Variants in TOR1AIP1 observed in about 807,000 individuals in gnomAD.
The protein encoded by TOR1AIP1 is torsin 1A interacting protein 1, also known as torsin-1A-interacting protein 1.
A neutral mutation model predicts 63.3 loss-of-function variants in TOR1AIP1; 54 were observed. The observed-to-expected ratio is 0.85, with a 90% CI of 0.69 to 1.07. The LOEUF is 1.07. TOR1AIP1 is among the 50% of genes least tolerant of loss of function. TOR1AIP1 has a pLI of 0.00. For missense variants in TOR1AIP1, 736 were observed against 715.0 expected, an observed-to-expected ratio of 1.03 and a Z score of -0.33; for synonymous variants, 294 against 273.5, an observed-to-expected ratio of 1.07 and a Z score of -0.74.
intron 7 of TOR1AIP1, 34 bp from the exon 8 acceptor site, chr1:179,908,571 G>A (rs1466140384): frequency 5.8e-6 from 9 of 1,564,918 alleles, no homozygotes; most frequent in South Asian, 1.1e-5. Flanking sequence ...TCAAAGTATG[G>A]GAAATTATCT....
intron 4 of TOR1AIP1, 72 bp downstream of exon 4, chr1:179,900,239 GAT>G: frequency 1.8e-6 from 2 of 1,102,086 alleles, no homozygotes; most frequent in Middle Eastern, 3.1e-4. Flanking sequence ...CATTCTGATA[GAT>G]ATTTAAGAAG....
intron 2 of TOR1AIP1, among the ~76,000 whole-genome samples, chr1:179,886,554 A>G (rs1647914989): frequency 6.6e-6 from 1 of 152,146 alleles, no homozygotes; most frequent in South Asian, 2.1e-4. Flanking sequence ...AAAACATGCA[A>G]GTGAGGTTTT....
chr1:179,899,550 A>G (rs1022078966), intron 3 of TOR1AIP1, among the ~76,000 whole-genome samples: 1 of 152,188 alleles, frequency 6.6e-6, no homozygotes, highest in African/African-American at 2.4e-5. Flanking sequence ...ACACACTAGA[A>G]TATTTGTCAA....
At chr1:179,885,608 C>T (rs1463821716) in intron 2 of TOR1AIP1, among the ~76,000 whole-genome samples, 3 of 152,046 alleles carry the variant, frequency 2.0e-5, no homozygotes, top group Non-Finnish European at 4.4e-5. Context: ...GTTTTTAGTA[C>T]CCAGATCCTG....
chr1:179,901,428 CT>C, intron 5 of TOR1AIP1, 40 bp downstream of exon 5: 1 of 1,279,114 alleles, frequency 7.8e-7, no homozygotes, highest in Admixed American at 2.3e-5. Context: ...TCTCATAGAA[CT>C]ATCTTTGGTA....
In TOR1AIP1 at chr1:179,882,978, G is replaced by T; in HGVS notation, c.475+1G>T. 6.2e-7 allele frequency: 1 copy of T among 1,608,192 alleles called. No individual in the cohort carries two copies. Among genetic ancestry groups the T allele is most frequent in the East Asian group, 2.2e-5 (1 of 44,558 alleles). On this transcript the variant is annotated splice_donor_variant, in intron 1 of 9. Coordinates refer to ENST00000606911, the MANE Select transcript of TOR1AIP1 (RefSeq NM_015602.4). LOFTEE classifies it high-confidence loss of function. ...CTGCGGGACTCTCATTCCTCTGAAG[G>T]TGAGGACCGCGGAGGTAACAGTCCC...
chr1:179,902,019 CT>C (rs767712125), intron 5 of TOR1AIP1, among the ~76,000 whole-genome samples: 347 of 98,788 alleles, frequency 3.5e-3, no homozygotes, highest in African/African-American at 8.8e-3. Flanking sequence ...AATTCCAATT[CT>C]TTTTTTTTTT....
intron 4 of TOR1AIP1, chr1:179,900,428 A>C: frequency 7.7e-6 from 2 of 261,036 alleles, no homozygotes; most frequent in South Asian, 5.8e-5. Context: ...GGGGACCACC[A>C]TGTTGCCTAA....
In TOR1AIP1 at chr1:179,917,562, G is replaced by A; in HGVS notation, c.1075G>A (p.Glu359Lys). 1 of 1,614,134 alleles carries A rather than the reference G, an allele frequency of 6.2e-7. No individual in the cohort carries two copies. Among genetic ancestry groups the A allele is most frequent in the Non-Finnish European group, 8.5e-7 (1 of 1,180,038 alleles). ...SGSFWFFSTP[E>K]VETTAVQEFQ... The stretch of plus-strand genomic sequence containing the variant: ...GAGTTTTTGGTTCTTTAGTACTCCT[G>A]AGGTAGAAACCACTGCTGTTCAAGA... The change falls in exon 10 of 10, where the codon GAG (glutamate) becomes AAG (lysine). Residue 359 changes from glutamate to lysine, a missense_variant. By Grantham distance (56) the Glu-to-Lys change is moderately conservative. Coordinates refer to ENST00000606911, the MANE Select transcript of TOR1AIP1 (RefSeq NM_015602.4).
At chr1:179,896,287 AT>A (rs1558041492) in intron 3 of TOR1AIP1, among the ~76,000 whole-genome samples, 1 of 151,466 alleles carries the variant, frequency 6.6e-6, no homozygotes, top group South Asian at 2.1e-4. Flanking sequence ...TTTTATTTTT[AT>A]TTTTTTTGAG....
rs112254087 is a variant in TOR1AIP1, at chr1:179,905,243, C to T, written c.796+1221C>T. Among the ~76,000 whole-genome samples the T allele has an allele frequency of 4.1e-3, 627 of 151,990 alleles. 5 individuals are homozygous for T. The highest frequency in any genetic ancestry group is 0.014 in the African/African-American group (591 of 41,438). On this transcript the variant is annotated intron_variant, in intron 6 of 9. Transcript: ENST00000606911. ...TATAAAAATTAGCTGGGCGTGGTGG[C>T]GCGTGCCTGTAGTCCCAGCTACTCG... is the stretch of plus-strand genomic sequence containing the variant.
chr1:179,913,665 G>C (rs1648905610), intron 8 of TOR1AIP1: 2 of 702,092 alleles, frequency 2.8e-6, no homozygotes, highest in South Asian at 3.0e-5. Context: ...GGTGTGCTTA[G>C]TTTCTTTGTC....
chr1:179,904,141 A>T, intron 6 of TOR1AIP1, 119 bp downstream of exon 6: 1 of 666,788 alleles, frequency 1.5e-6, no homozygotes. Flanking sequence ...AATGAATGCT[A>T]AAAAAAAACT....
At chr1:179,885,823 C>T (rs1380631478) in intron 2 of TOR1AIP1, among the ~76,000 whole-genome samples, 2 of 152,144 alleles carry the variant, frequency 1.3e-5, no homozygotes, top group African/African-American at 2.4e-5. Context: ...TCACTGCAAC[C>T]TCCACCTCCC....
At chr1:179,903,817 T>C in intron 5 of TOR1AIP1, 149 bp from the exon 6 acceptor site, 1 of 527,046 alleles carries the variant, frequency 1.9e-6, no homozygotes, top group Admixed American at 3.8e-5. Context: ...CCTAGAAATT[T>C]TTTAAATAAA....
intron 7 of TOR1AIP1, 49 bp downstream of exon 7, chr1:179,907,913 C>CTTTTTT (rs34218138): frequency 1.7e-3 from 598 of 356,542 alleles, no homozygotes; most frequent in South Asian, 6.2e-3. Flanking sequence ...ATTCTTTTCT[C>CTTTTTT]TTTTTTTTTT....
At position 179,904,109 on chromosome 1, in the gene TOR1AIP1, G is replaced by T. The variant is rs907057615; in HGVS notation, c.796+87G>T. 1.0e-5 allele frequency: 10 copies of T among 997,326 alleles called. No individual in the cohort carries two copies. In the African/African-American group the frequency reaches 1.5e-4, roughly 15 times the overall value. 61.8% of individuals were successfully genotyped at this position (997,326 alleles called of 1,614,324 possible). On this transcript the variant is annotated intron_variant, in intron 6 of 9. Coordinates refer to ENST00000606911, the MANE Select transcript of TOR1AIP1 (RefSeq NM_015602.4). ...TGAAGATCCTCTTTTGAAATTTAAC[G>T]TAAATATTGAACAAGAGGAATAATG...
At chr1:179,895,867 C>T (rs1055617343) in intron 3 of TOR1AIP1, among the ~76,000 whole-genome samples, 4 of 148,236 alleles carry the variant, frequency 2.7e-5, no homozygotes, top group Admixed American at 6.8e-5. Flanking sequence ...TGCAGTGAGC[C>T]GACATTGCAC....
chr1:179,889,350 T>A lies in TOR1AIP1; in HGVS notation c.591T>A (p.Pro197=), dbSNP rs1301129427. The A allele has an allele frequency of 1.2e-6, 2 of 1,607,560 alleles. No individual in the cohort carries two copies. Among genetic ancestry groups the A allele is most frequent in the Non-Finnish European group, 1.7e-6 (2 of 1,175,392 alleles). ...TTGTAATCAGGTTACGTCGACCCCCTCTAAGATACCCAAGATATGGTAAGA... is the reference window on the plus strand; with the variant it reads ...TTGTAATCAGGTTACGTCGACCCCCACTAAGATACCCAAGATATGGTAAGA... ...EDLVIRLRRP[P]LRYPRYEATS... is the part of the protein sequence containing the mutation. Residue 197 remains proline, a synonymous_variant, in exon 3 of 10, where the codon CCT becomes CCA. Transcript: ENST00000606911.
Sources: gnomAD v4.1 joint callset for allele counts (sites outside exome capture counted in the v4.1 genomes callset) on GRCh38, gnomAD v4.1.1 for gene constraint, MANE v1.5 for transcripts, NCBI Gene and HGNC (gene_info 2026-07-23, HGNC 2026-07-21) for gene names.